MYO5B: variants seen among roughly 807,000 people sequenced by gnomAD.
MYO5B encodes unconventional myosin-Vb.
In MYO5B, 143 loss-of-function variants were observed where a neutral mutation model predicts 229.3. That is an observed-to-expected ratio of 0.62 (90% confidence interval 0.54 to 0.72). The LOEUF is 0.72. Among genes scored for constraint, MYO5B ranks in the 30% least tolerant of loss-of-function variants. The pLI is 0.00. For synonymous variants in MYO5B, 918 were observed against 885.2 expected (o/e 1.04, Z -0.66); for missense variants, 2,321 against 2,331.0 (o/e 1.00, Z 0.09).
In MYO5B at chr18:50,045,296, G is replaced by C. The variant is rs561711451; in HGVS notation, c.139-4982C>G. ...CTTACAGATGAGGCTATGACACAGG[G>C]CTGCAAAATTACAGCTGTTTGCAAA... On this transcript the variant is annotated intron_variant, in intron 2 of 39. Coordinates refer to ENST00000285039, the MANE Select transcript of MYO5B (RefSeq NM_001080467.3). 1.3e-3 allele frequency among the ~76,000 whole-genome samples: 205 copies of C among 152,272 alleles called. 2 individuals carry two copies. The highest frequency in any genetic ancestry group is 2.4e-3 in the Non-Finnish European group (162 of 68,032).
chr18:50,109,722 A>G (rs113862444), intron 1 of MYO5B, among the ~76,000 whole-genome samples: 36,532 of 152,038 alleles, frequency 0.24, 5,378 homozygotes, highest in African/African-American at 0.42. Context: ...CACCACGACC[A>G]GCGGTCATGA....
intron 10 of MYO5B, among the ~76,000 whole-genome samples, chr18:49,972,692 G>C (rs912843716): frequency 6.6e-6 from 1 of 152,162 alleles, no homozygotes; most frequent in Admixed American, 6.5e-5. Flanking sequence ...AAAGTAGAGA[G>C]ATCAACACAT....
intron 1 of MYO5B, among the ~76,000 whole-genome samples, chr18:50,166,413 T>A (rs1310521368): frequency 6.6e-6 from 1 of 152,178 alleles, no homozygotes; most frequent in African/African-American, 2.4e-5. Flanking sequence ...AGCAAGCAAA[T>A]TTGCTAACTC....
intron 1 of MYO5B, among the ~76,000 whole-genome samples, chr18:50,142,457 C>A (rs1430427005): frequency 2.0e-5 from 3 of 152,196 alleles, no homozygotes; most frequent in Non-Finnish European, 2.9e-5. Flanking sequence ...ACTACTGCAT[C>A]CACTTCCCAA....
intron 22 of MYO5B, among the ~76,000 whole-genome samples, chr18:49,888,300 C>CA (rs2024668733): frequency 6.6e-6 from 1 of 152,124 alleles, no homozygotes; most frequent in South Asian, 2.1e-4. Flanking sequence ...AGAATGTCTC[C>CA]AGGCACTGCC....
chr18:49,923,384 G>C (rs553240886), intron 17 of MYO5B, among the ~76,000 whole-genome samples: 37 of 152,320 alleles, frequency 2.4e-4, no homozygotes, highest in African/African-American at 8.9e-4. Flanking sequence ...ATGTGGAAGA[G>C]AAAGATTCCC....
At chr18:50,077,711 C>G (rs55772459) in intron 1 of MYO5B, among the ~76,000 whole-genome samples, 6,487 of 152,272 alleles carry the variant, frequency 0.043, 147 homozygotes, top group African/African-American at 0.054. Flanking sequence ...TCAAGAGAGA[C>G]ACTTGTATTC....
intron 22 of MYO5B, 62 bp from the exon 23 acceptor site, chr18:49,880,517 G>C: frequency 7.6e-7 from 1 of 1,307,964 alleles, no homozygotes; most frequent in Non-Finnish European, 1.1e-6. Context: ...GGCTCCTCTT[G>C]TGGGATTTGA....
chr18:50,037,016 A>G, intron 3 of MYO5B, 22 bp from the exon 4 acceptor site: 1 of 1,614,032 alleles, frequency 6.2e-7, no homozygotes, highest in South Asian at 1.1e-5. Flanking sequence ...CAAGGTGGTC[A>G]GATTCCGACA....
chr18:50,147,590 C>T (rs1277247675), intron 1 of MYO5B, among the ~76,000 whole-genome samples: 1 of 152,184 alleles, frequency 6.6e-6, no homozygotes, highest in Admixed American at 6.5e-5. Context: ...ACATTGTGCC[C>T]ATTCTAGTGA....
chr18:50,066,657 C>T (rs944000769), intron 1 of MYO5B, among the ~76,000 whole-genome samples: 1 of 152,204 alleles, frequency 6.6e-6, no homozygotes, highest in African/African-American at 2.4e-5. Flanking sequence ...AACACACACA[C>T]TGAGTTGCAG....
chr18:50,045,672 G>C (rs72913902), intron 2 of MYO5B, among the ~76,000 whole-genome samples: 24,109 of 152,194 alleles, frequency 0.16, 1,991 homozygotes, highest in South Asian at 0.23. Context: ...ACAGGTGTGA[G>C]CCGCCACGAT....
intron 1 of MYO5B, among the ~76,000 whole-genome samples, chr18:50,108,408 C>T (rs764608882): frequency 1.3e-5 from 2 of 152,198 alleles, no homozygotes; most frequent in Non-Finnish European, 2.9e-5. Flanking sequence ...TTCATTCGCG[C>T]TATTGTGTGC....
At chr18:49,848,790 A>G (rs1478860766) in intron 32 of MYO5B, among the ~76,000 whole-genome samples, 1 of 152,110 alleles carries the variant, frequency 6.6e-6, no homozygotes, top group African/African-American at 2.4e-5. Context: ...TGGTGGGCAC[A>G]TGGGCAGATA....
At chr18:50,182,338 C>G (rs1171412442) in intron 1 of MYO5B, among the ~76,000 whole-genome samples, 1 of 152,110 alleles carries the variant, frequency 6.6e-6, no homozygotes, top group East Asian at 1.9e-4. Context: ...ATGCAAATAC[C>G]CATGGGTCTT....
intron 1 of MYO5B, among the ~76,000 whole-genome samples, chr18:50,160,017 G>T (rs181518380): frequency 6.6e-6 from 1 of 152,228 alleles, no homozygotes; most frequent in Non-Finnish European, 1.5e-5. Flanking sequence ...CAGTACTCAC[G>T]CAGACGTGAT....
chr18:50,056,147 G>C (rs553124795), intron 1 of MYO5B, among the ~76,000 whole-genome samples: 1 of 152,322 alleles, frequency 6.6e-6, no homozygotes, highest in African/African-American at 2.4e-5. Context: ...CTGATTTGCA[G>C]ACAAAGTCAC....
chr18:49,954,371 T>C lies in MYO5B; in HGVS notation c.1610A>G (p.His537Arg). 1.2e-6 allele frequency: 2 copies of C among 1,614,046 alleles called. No individual in the cohort carries two copies. Among genetic ancestry groups the C allele is most frequent in the Non-Finnish European group, 1.7e-6 (2 of 1,179,980 alleles). The change falls in exon 13 of 40, where the codon CAC becomes CGC. Residue 537 changes from histidine (H) to arginine (R), a missense_variant. This residue lies in a region of MYO5B where 2,113 missense variants were observed against 2,044.7 expected (regional missense o/e 1.03). Coordinates refer to ENST00000285039, the MANE Select transcript of MYO5B (RefSeq NM_001080467.3). ...KLYDRHSSSQ[H>R]FQKPRMSNTA... ...GTTGGACATGCGGGGCTTCTGGAAG[T>C]GCTGGCTGCTGGAGTGCCGGTCATA...
rs111673015 is a variant in MYO5B, at chr18:49,891,115, T to A, written c.3045+3826A>T. On this transcript the variant is annotated intron_variant, in intron 22 of 39. Coordinates refer to ENST00000285039, the MANE Select transcript of MYO5B (RefSeq NM_001080467.3). ...CCGCACTGTGCTCCTGCTGTTTGCC[T>A]CCTCACTTACTCCACCTGAGCCCAG... Among the ~76,000 whole-genome samples the A allele has an allele frequency of 6.7e-3, 1,015 of 152,206 alleles. 5 individuals are homozygous for A. The highest frequency in any genetic ancestry group is 0.015 in the South Asian group (71 of 4,824).
Sources: gnomAD v4.1 joint callset for allele counts (sites outside exome capture counted in the v4.1 genomes callset) on GRCh38, gnomAD v4.1.1 for gene constraint, gnomAD v4.1.1 regional missense constraint, MANE v1.5 for transcripts, NCBI Gene and HGNC (gene_info 2026-07-23, HGNC 2026-07-21) for gene names.